Variants in PTRH2 observed in about 807,000 individuals in gnomAD.
PTRH2 encodes peptidyl-tRNA hydrolase 2, mitochondrial.
Under a neutral mutation model 12.3 loss-of-function variants are expected in PTRH2, and 10 were observed. That is an observed-to-expected ratio of 0.81 (90% confidence interval 0.50 to 1.38). The LOEUF (loss-of-function observed/expected upper bound fraction) is 1.38, where lower values mean the gene tolerates loss of function less well. Among genes scored for constraint, PTRH2 ranks in the 40% most tolerant of loss-of-function variants. The pLI is 0.00. For synonymous variants in PTRH2, 73 were observed against 77.4 expected (o/e 0.94, Z 0.30); for missense variants, 176 against 214.1 (o/e 0.82, Z 1.11).
intron 1 of PTRH2, among the ~76,000 whole-genome samples, chr17:59,706,675 CTT>C (rs34194454): frequency 7.8e-4 from 108 of 138,872 alleles, no homozygotes; most frequent in East Asian, 8.3e-4. Flanking sequence ...TTTTTTCTTT[CTT>C]TTTTTTTTTT....
chr17:59,704,096 C>A (rs1169295195), intron 1 of PTRH2, among the ~76,000 whole-genome samples: 1 of 152,222 alleles, frequency 6.6e-6, no homozygotes, highest in Non-Finnish European at 1.5e-5. Flanking sequence ...GCGTGAGCCA[C>A]CATGCCCTGC....
chr17:59,706,346 C>T (rs1348476586), intron 1 of PTRH2, among the ~76,000 whole-genome samples: 1 of 152,104 alleles, frequency 6.6e-6, no homozygotes, highest in Non-Finnish European at 1.5e-5. Flanking sequence ...CATGCTCCAC[C>T]CGTTAATCTT....
Position 59,697,838 on chromosome 17 carries a change from C to G in PTRH2, c.141G>C (p.Lys47Asn), listed in dbSNP as rs1293501460. Residue 47 changes from lysine (K) to asparagine (N), a missense_variant, in exon 2 of 2, where the codon AAG becomes AAC. By Grantham distance (94) the Lys-to-Asn change is moderately conservative. Transcript: ENST00000393038. ...CTTCACTTTCAGTATCTGTGTGTGT[C>G]TTGCTCGTCTTGCTTTTGGGGAGCA... ...FGMLPKSKTS[K>N]THTDTESEAS... 4.3e-6 allele frequency: 7 copies of G among 1,614,080 alleles called. No individual in the cohort carries two copies. The highest frequency in any genetic ancestry group is 5.9e-6 in the Non-Finnish European group (7 of 1,180,042).
chr17:59,701,584 G>A (rs1438825807), intron 1 of PTRH2, among the ~76,000 whole-genome samples: 1 of 152,324 alleles, frequency 6.6e-6, no homozygotes, highest in East Asian at 1.9e-4. Flanking sequence ...GGATACAGGA[G>A]TGCACAAAGC....
intron 1 of PTRH2, among the ~76,000 whole-genome samples, chr17:59,703,819 T>TAACATTACTATATCAGGC (rs1268672534): frequency 6.8e-6 from 1 of 146,370 alleles, no homozygotes; most frequent in Admixed American, 6.8e-5. Context: ...CCCTTGTTCT[T>TAACATTACTATATCAGGC]TTTTTTGGAG....
At chr17:59,702,464 G>T (rs2033570796) in intron 1 of PTRH2, among the ~76,000 whole-genome samples, 1 of 152,144 alleles carries the variant, frequency 6.6e-6, no homozygotes. Flanking sequence ...GCGATGGGGA[G>T]TGGCTGCAAA....
intron 1 of PTRH2, among the ~76,000 whole-genome samples, chr17:59,705,068 T>C (rs571583246): frequency 2.0e-5 from 3 of 152,346 alleles, no homozygotes; most frequent in South Asian, 2.1e-4. Context: ...GATACAGGCA[T>C]GGGCCACCAT....
chr17:59,699,144 T>C (rs2033509083), intron 1 of PTRH2: 2 of 321,494 alleles, frequency 6.2e-6, no homozygotes, highest in Non-Finnish European at 1.0e-5. Context: ...AAGAGCATCC[T>C]GTATCTGCGC....
chr17:59,703,755 C>T (rs2033594537), intron 1 of PTRH2, among the ~76,000 whole-genome samples: 1 of 152,074 alleles, frequency 6.6e-6, no homozygotes, highest in Non-Finnish European at 1.5e-5. Context: ...ATCCAGCCAC[C>T]TCGGCCTCCC....
intron 1 of PTRH2, among the ~76,000 whole-genome samples, chr17:59,703,487 G>A (rs571366779): frequency 2.2e-4 from 34 of 152,284 alleles, no homozygotes; most frequent in African/African-American, 5.1e-4. Context: ...ATAAGTGGTC[G>A]TCTTAATCCA....
At chr17:59,705,135 C>G (rs2033617182) in intron 1 of PTRH2, among the ~76,000 whole-genome samples, 1 of 152,156 alleles carries the variant, frequency 6.6e-6, no homozygotes, top group African/African-American at 2.4e-5. Context: ...CTTTGATAAT[C>G]TAACAACCAG....
intron 1 of PTRH2, chr17:59,698,594 CAT>C (rs909545351): frequency 8.9e-6 from 3 of 336,966 alleles, no homozygotes; most frequent in African/African-American, 6.4e-5. Flanking sequence ...ATATTTTTTG[CAT>C]AGTTTTACTA....
chr17:59,703,034 A>G (rs2033581473), intron 1 of PTRH2, among the ~76,000 whole-genome samples: 1 of 152,074 alleles, frequency 6.6e-6, no homozygotes, highest in African/African-American at 2.4e-5. Flanking sequence ...CTTTTCTAAG[A>G]GACAGGGTTT....
intron 1 of PTRH2, among the ~76,000 whole-genome samples, chr17:59,703,602 T>G (rs2033592041): frequency 6.6e-6 from 1 of 151,868 alleles, no homozygotes; most frequent in Admixed American, 6.6e-5. Flanking sequence ...CCTCCTGGGT[T>G]CAAGTGATTC....
chr17:59,699,437 A>G (rs527703725), intron 1 of PTRH2: 39 of 154,280 alleles, frequency 2.5e-4, no homozygotes, highest in African/African-American at 3.6e-4. Flanking sequence ...TGATCTTTAC[A>G]TTGTGAAAAT....
intron 1 of PTRH2, among the ~76,000 whole-genome samples, chr17:59,703,666 A>T (rs1598260602): frequency 6.6e-6 from 1 of 150,968 alleles, no homozygotes; most frequent in East Asian, 2.0e-4. Context: ...CACTACACCG[A>T]GCTAATTGTT....
chr17:59,698,120 CCT>C, intron 1 of PTRH2, 142 bp from the exon 2 acceptor site: 1 of 813,454 alleles, frequency 1.2e-6, no homozygotes, highest in Non-Finnish European at 1.9e-6. Context: ...ATGCCTGCAC[CCT>C]GTTTCCAACA....
chr17:59,706,487 G>C (rs770267694), intron 1 of PTRH2, among the ~76,000 whole-genome samples: 9 of 151,362 alleles, frequency 5.9e-5, no homozygotes, highest in Non-Finnish European at 1.3e-4. Flanking sequence ...ACCGCGCCGG[G>C]TCTGCAGTTT....
intron 1 of PTRH2, chr17:59,698,966 C>T (rs2033504945): frequency 2.9e-6 from 2 of 699,210 alleles, no homozygotes; most frequent in Middle Eastern, 2.3e-4. Flanking sequence ...CAACAGGGTC[C>T]TCAATTTCTC....
Sources: gnomAD v4.1 joint callset for allele counts (sites outside exome capture counted in the v4.1 genomes callset) on GRCh38, gnomAD v4.1.1 for gene constraint, MANE v1.5 for transcripts, NCBI Gene and HGNC (gene_info 2026-07-23, HGNC 2026-07-21) for gene names.